Variants in PRKD1 observed in about 807,000 individuals in gnomAD.
The protein encoded by PRKD1 is protein kinase D1.
A neutral mutation model predicts 95.9 loss-of-function variants in PRKD1; 63 were observed. The observed-to-expected ratio is 0.66, with a 90% CI of 0.54 to 0.81. PRKD1 has a LOEUF of 0.81. Among genes scored for constraint, PRKD1 ranks in the 30% least tolerant of loss-of-function variants. The probability of loss-of-function intolerance (pLI) is 0.00; values close to 1 mark genes in which losing one functional copy is unlikely to be tolerated. For synonymous variants in PRKD1, 425 were observed against 423.1 expected (o/e 1.00, Z -0.05); for missense variants, 1,048 against 1,165.3 (o/e 0.90, Z 1.47).
chr14:29,577,834 T>G (rs370851344), intron 17 of PRKD1, among the ~76,000 whole-genome samples: 56 of 152,304 alleles, frequency 3.7e-4, no homozygotes, highest in Middle Eastern at 6.8e-3. Context: ...ATACTTTGTA[T>G]TTGCCATGCA....
At chr14:29,877,674 G>T (rs1893348971) in intron 1 of PRKD1, among the ~76,000 whole-genome samples, 1 of 152,144 alleles carries the variant, frequency 6.6e-6, no homozygotes. Flanking sequence ...TATAGTATAA[G>T]AAAGAGGTCC....
intron 1 of PRKD1, among the ~76,000 whole-genome samples, chr14:29,830,688 G>C (rs1220869611): frequency 7.2e-6 from 1 of 139,350 alleles, no homozygotes. Context: ...TTTTTTTTTT[G>C]GTCTCATGTG....
chr14:29,687,769 G>C (rs1883968941), intron 2 of PRKD1, among the ~76,000 whole-genome samples: 1 of 152,098 alleles, frequency 6.6e-6, no homozygotes, highest in Admixed American at 6.5e-5. Flanking sequence ...AACCACACCT[G>C]GAACAACAAT....
intron 16 of PRKD1, among the ~76,000 whole-genome samples, chr14:29,584,772 A>G (rs1892858975): frequency 1.3e-5 from 2 of 152,192 alleles, no homozygotes; most frequent in African/African-American, 4.8e-5. Context: ...AAAATATAAC[A>G]GATCGTAAGA....
intron 2 of PRKD1, among the ~76,000 whole-genome samples, chr14:29,725,271 G>T (rs1886082432): frequency 6.6e-6 from 1 of 152,108 alleles, no homozygotes; most frequent in East Asian, 1.9e-4. Context: ...GCTGAATGAC[G>T]CCATCTGTAT....
At chr14:29,603,044 T>A (rs951639287) in intron 13 of PRKD1, among the ~76,000 whole-genome samples, 1 of 152,194 alleles carries the variant, frequency 6.6e-6, no homozygotes, top group East Asian at 1.9e-4. Flanking sequence ...TGTGGTTAGA[T>A]ATACAAATTT....
chr14:29,919,986 A>AGAGAGAGAGAGAGAG (rs1566672106), intron 1 of PRKD1, among the ~76,000 whole-genome samples: 5 of 142,808 alleles, frequency 3.5e-5, no homozygotes, highest in African/African-American at 1.3e-4. Context: ...GAGAGAGAGA[A>AGAGAGAGAGAGAGAG]AGAGAGGAAG....
chr14:29,719,838 T>C (rs1014572618), intron 2 of PRKD1, among the ~76,000 whole-genome samples: 1 of 152,174 alleles, frequency 6.6e-6, no homozygotes, highest in African/African-American at 2.4e-5. Flanking sequence ...TCCATGGTCA[T>C]CACCCAGAGG....
chr14:29,785,249 A>G (rs965389660), intron 1 of PRKD1, among the ~76,000 whole-genome samples: 2 of 152,058 alleles, frequency 1.3e-5, no homozygotes, highest in Non-Finnish European at 1.5e-5. Context: ...CTTTTCTACT[A>G]CTTAGCCTTT....
At chr14:29,616,882 C>T (rs891586992) in intron 13 of PRKD1, among the ~76,000 whole-genome samples, 7 of 152,108 alleles carry the variant, frequency 4.6e-5, no homozygotes, top group Non-Finnish European at 8.8e-5. Flanking sequence ...GTTTGGTATA[C>T]ACTTGGTTTC....
At chr14:29,725,983 T>C (rs1320928063) in intron 1 of PRKD1, among the ~76,000 whole-genome samples, 2 of 152,078 alleles carry the variant, frequency 1.3e-5, no homozygotes, top group Non-Finnish European at 2.9e-5. Context: ...TTAAGAAATA[T>C]AGGTGGGAAG....
intron 1 of PRKD1, among the ~76,000 whole-genome samples, chr14:29,908,782 G>A (rs551687176): frequency 5.9e-5 from 9 of 152,294 alleles, no homozygotes; most frequent in Admixed American, 3.9e-4. Flanking sequence ...GGAAGATATC[G>A]AGTAAGAACA....
intron 1 of PRKD1, among the ~76,000 whole-genome samples, chr14:29,911,227 T>G (rs756517009): frequency 1.2e-4 from 19 of 152,184 alleles, no homozygotes; most frequent in Non-Finnish European, 2.8e-4. Context: ...AAATCAAATA[T>G]CTTAAATTTA....
intron 1 of PRKD1, among the ~76,000 whole-genome samples, chr14:29,735,214 T>C (rs1886655812): frequency 6.6e-6 from 1 of 152,076 alleles, no homozygotes; most frequent in Non-Finnish European, 1.5e-5. Context: ...AAAAAGGTAA[T>C]CTCCATAACT....
chr14:29,753,005 G>T (rs910040003), intron 1 of PRKD1, among the ~76,000 whole-genome samples: 4 of 151,918 alleles, frequency 2.6e-5, no homozygotes, highest in Non-Finnish European at 5.9e-5. Flanking sequence ...TCTCTTAGTA[G>T]AAAGAAATGA....
chr14:29,809,334 T>C (rs542701385), intron 1 of PRKD1, among the ~76,000 whole-genome samples: 1 of 152,226 alleles, frequency 6.6e-6, no homozygotes, highest in Non-Finnish European at 1.5e-5. Flanking sequence ...CCAGCTGCTT[T>C]AGCCCCTAAC....
At chr14:29,858,570 C>T (rs1040253319) in intron 1 of PRKD1, among the ~76,000 whole-genome samples, 8 of 152,056 alleles carry the variant, frequency 5.3e-5, no homozygotes, top group East Asian at 3.9e-4. Flanking sequence ...TGGATCACTT[C>T]GAAACACTAG....
intron 1 of PRKD1, among the ~76,000 whole-genome samples, chr14:29,877,424 C>T (rs1427276564): frequency 1.3e-5 from 2 of 152,180 alleles, no homozygotes; most frequent in Non-Finnish European, 2.9e-5. Flanking sequence ...CAAATATTCT[C>T]TCATTCTGTA....
intron 2 of PRKD1, among the ~76,000 whole-genome samples, chr14:29,692,914 G>C (rs1003536075): frequency 3.9e-5 from 6 of 152,134 alleles, no homozygotes; most frequent in African/African-American, 7.2e-5. Context: ...TAACTAAACT[G>C]TAAGTCACAA....
Sources: gnomAD v4.1 joint callset for allele counts (sites outside exome capture counted in the v4.1 genomes callset) on GRCh38, gnomAD v4.1.1 for gene constraint, MANE v1.5 for transcripts, NCBI Gene and HGNC (gene_info 2026-07-23, HGNC 2026-07-21) for gene names.